Variants in HAO1 observed in about 807,000 individuals in gnomAD.
HAO1 encodes hydroxyacid oxidase 1.
A neutral mutation model predicts 39.7 loss-of-function variants in HAO1; 34 were observed. The observed-to-expected ratio is 0.86, with a 90% CI of 0.65 to 1.14. The LOEUF is 1.14. Ranked by LOEUF, HAO1 falls within the 50% of genes most tolerant of loss-of-function variation. The pLI is 0.00. For synonymous variants in HAO1, 172 were observed against 173.2 expected (o/e 0.99, Z 0.05); for missense variants, 479 against 464.5 (o/e 1.03, Z -0.29).
At chr20:7,894,748 C>T (rs76671860) in intron 5 of HAO1, among the ~76,000 whole-genome samples, 5,325 of 152,274 alleles carry the variant, frequency 0.035, 356 homozygotes, top group African/African-American at 0.12. Context: ...TCAGATTCTA[C>T]CACAGCCTTT....
intron 1 of HAO1, among the ~76,000 whole-genome samples, chr20:7,935,487 T>A (rs2050406092): frequency 2.0e-5 from 3 of 152,218 alleles, no homozygotes; most frequent in Admixed American, 6.5e-5. Context: ...CAATTACTTT[T>A]AAAATTATAA....
chr20:7,912,205 C>A (rs1056584508), intron 3 of HAO1, among the ~76,000 whole-genome samples: 1 of 152,082 alleles, frequency 6.6e-6, no homozygotes, highest in African/African-American at 2.4e-5. Context: ...CCCGTCACAT[C>A]ATCTGGGAAG....
intron 3 of HAO1, among the ~76,000 whole-genome samples, chr20:7,910,012 C>T (rs181122219): frequency 2.0e-5 from 3 of 152,128 alleles, no homozygotes; most frequent in African/African-American, 2.4e-5. Flanking sequence ...GTTCAAATCC[C>T]GGTTCAGCCT....
At chr20:7,908,962 T>G (rs1311959575) in intron 3 of HAO1, among the ~76,000 whole-genome samples, 1 of 152,070 alleles carries the variant, frequency 6.6e-6, no homozygotes, top group Non-Finnish European at 1.5e-5. Flanking sequence ...AAAAGTCCAG[T>G]CTGTCTATCC....
intron 3 of HAO1, among the ~76,000 whole-genome samples, chr20:7,910,641 C>A (rs1333812861): frequency 6.6e-6 from 1 of 152,066 alleles, no homozygotes; most frequent in Non-Finnish European, 1.5e-5. Flanking sequence ...TTATAAGGAC[C>A]CTTTTAATTA....
rs149064091 is a variant in HAO1, at chr20:7,916,547, G to T, written c.290-2128C>A. ...CAGATTTCTGGGTCCCACCCACAGA[G>T]CTTCTGGTCCAGTAAGTCTGAGATG... On this transcript the variant is annotated intron_variant, in intron 2 of 7. Transcript: ENST00000378789. Among the ~76,000 whole-genome samples, 37 of 152,308 alleles carry T rather than the reference G, an allele frequency of 2.4e-4. No homozygotes were observed. In the East Asian group the frequency reaches 6.0e-3, roughly 25 times the overall value.
At chr20:7,911,254 G>C (rs910937594) in intron 3 of HAO1, among the ~76,000 whole-genome samples, 11 of 152,184 alleles carry the variant, frequency 7.2e-5, no homozygotes, top group African/African-American at 2.4e-4. Context: ...ATCTGTTTTA[G>C]TGTGATATAT....
chr20:7,929,731 G>T (rs925820139), intron 2 of HAO1, among the ~76,000 whole-genome samples: 2 of 152,112 alleles, frequency 1.3e-5, no homozygotes. Flanking sequence ...AGCCGTCGCG[G>T]TGCGTGCCTA....
intron 7 of HAO1, among the ~76,000 whole-genome samples, chr20:7,884,641 AG>A (rs2050142907): frequency 6.6e-6 from 1 of 152,218 alleles, no homozygotes; most frequent in Non-Finnish European, 1.5e-5. Context: ...CACATAGTCA[AG>A]GGACATCATG....
chr20:7,886,893 T>G (rs1458429852), intron 5 of HAO1, among the ~76,000 whole-genome samples: 1 of 152,156 alleles, frequency 6.6e-6, no homozygotes, highest in African/African-American at 2.4e-5. Context: ...TCATTTGCCA[T>G]GAGAAGACCA....
chr20:7,912,549 C>A, intron 3 of HAO1, among the ~76,000 whole-genome samples: 1 of 150,220 alleles, frequency 6.7e-6, no homozygotes, highest in Non-Finnish European at 1.5e-5. Flanking sequence ...TCTAAGAAGC[C>A]TCGATAGTGG....
At chr20:7,920,998 A>G (rs2050328524) in intron 2 of HAO1, among the ~76,000 whole-genome samples, 1 of 152,108 alleles carries the variant, frequency 6.6e-6, no homozygotes, top group African/African-American at 2.4e-5. Context: ...CAGAATCAAG[A>G]GACAACACAG....
intron 3 of HAO1, among the ~76,000 whole-genome samples, chr20:7,908,972 C>A (rs1029854079): frequency 6.6e-6 from 1 of 151,882 alleles, no homozygotes; most frequent in Non-Finnish European, 1.5e-5. Context: ...TCTGTCTATC[C>A]CATAGCAAGA....
intron 4 of HAO1, among the ~76,000 whole-genome samples, chr20:7,902,593 C>T (rs1388790435): frequency 1.3e-5 from 2 of 152,060 alleles, no homozygotes; most frequent in African/African-American, 4.8e-5. Context: ...TTGTGGTGGT[C>T]CAGAACTGAA....
chr20:7,883,871 G>A (rs1256205020), intron 7 of HAO1, among the ~76,000 whole-genome samples: 1 of 152,160 alleles, frequency 6.6e-6, no homozygotes. Context: ...TTAACACAAA[G>A]AGTATATTCT....
At chr20:7,900,855 C>T (rs1404414830) in intron 4 of HAO1, among the ~76,000 whole-genome samples, 1 of 152,262 alleles carries the variant, frequency 6.6e-6, no homozygotes, top group South Asian at 2.1e-4. Flanking sequence ...AAGCTAGGCT[C>T]CTTGTGCCAA....
At chr20:7,886,978 C>T (rs529082967) in intron 5 of HAO1, among the ~76,000 whole-genome samples, 33 of 152,290 alleles carry the variant, frequency 2.2e-4, no homozygotes, top group African/African-American at 7.7e-4. Flanking sequence ...CACAGCCAAG[C>T]CCAGCTGGAG....
chr20:7,889,486 A>G (rs2050164324), intron 5 of HAO1, among the ~76,000 whole-genome samples: 3 of 152,194 alleles, frequency 2.0e-5, no homozygotes, highest in South Asian at 4.1e-4. Context: ...AATTACTTCA[A>G]ATCCAATCTG....
chr20:7,910,043 G>A (rs934881582), intron 3 of HAO1, among the ~76,000 whole-genome samples: 2 of 152,060 alleles, frequency 1.3e-5, no homozygotes, highest in African/African-American at 4.8e-5. Context: ...ATGTTACATT[G>A]GGAAAATCTT....
Sources: gnomAD v4.1 joint callset for allele counts (sites outside exome capture counted in the v4.1 genomes callset) on GRCh38, gnomAD v4.1.1 for gene constraint, MANE v1.5 for transcripts, NCBI Gene and HGNC (gene_info 2026-07-23, HGNC 2026-07-21) for gene names.